Variants in CSMD1 observed in about 807,000 individuals in gnomAD.
The protein encoded by CSMD1 is CUB and sushi domain-containing protein 1.
CSMD1 carries 213 observed loss-of-function variants against 417.5 expected under a neutral mutation model. The ratio of observed to expected loss-of-function variants is 0.51; its 90% CI spans 0.46 to 0.57. The LOEUF is 0.57. Among genes scored for constraint, CSMD1 ranks in the 20% least tolerant of loss-of-function variants. CSMD1 has a pLI of 0.00. For missense variants in CSMD1, 6,923 were observed against 4,529.7 expected, an observed-to-expected ratio of 1.53 and a Z score of -15.17; for synonymous variants, 2,862 against 1,736.8, an observed-to-expected ratio of 1.65 and a Z score of -16.11.
intron 5 of CSMD1, among the ~76,000 whole-genome samples, chr8:3,923,551 A>G (rs1809430927): frequency 6.6e-6 from 1 of 152,176 alleles, no homozygotes; most frequent in Non-Finnish European, 1.5e-5. Context: ...AGAACAGGAT[A>G]CACTGTGAAA....
intron 37 of CSMD1, among the ~76,000 whole-genome samples, chr8:3,171,999 A>T (rs1287359401): frequency 6.6e-6 from 1 of 152,222 alleles, no homozygotes; most frequent in Non-Finnish European, 1.5e-5. Flanking sequence ...AAATGATATT[A>T]TATTTAATGA....
chr8:3,889,452 CATATATATATATATATATATATATATAT>C (rs1171842639), intron 5 of CSMD1, among the ~76,000 whole-genome samples: 1 of 45,376 alleles, frequency 2.2e-5, no homozygotes, highest in South Asian at 1.1e-3. Flanking sequence ...CTGATCTTTC[CATATATATATATATATATATATATATAT>C]ATATATATAT....
intron 3 of CSMD1, among the ~76,000 whole-genome samples, chr8:4,317,128 T>A (rs189048747): frequency 2.6e-5 from 4 of 152,332 alleles, no homozygotes; most frequent in African/African-American, 9.6e-5. Context: ...CACATCATCA[T>A]CATCTAAGGT....
At chr8:4,234,738 C>G (rs1485921934) in intron 3 of CSMD1, among the ~76,000 whole-genome samples, 3 of 152,250 alleles carry the variant, frequency 2.0e-5, no homozygotes, top group South Asian at 2.1e-4. Context: ...CCGCTGAAAA[C>G]TGGAGTCGTG....
intron 37 of CSMD1, among the ~76,000 whole-genome samples, chr8:3,167,242 A>G (rs1003735335): frequency 3.3e-5 from 5 of 149,310 alleles, no homozygotes; most frequent in African/African-American, 1.2e-4. Flanking sequence ...CCGAGATCGC[A>G]CACTGCACTC....
intron 3 of CSMD1, among the ~76,000 whole-genome samples, chr8:4,222,874 G>C (rs1801124116): frequency 1.3e-5 from 2 of 152,002 alleles, no homozygotes; most frequent in Non-Finnish European, 2.9e-5. Context: ...TTGATCACTA[G>C]ACATAACCAC....
intron 3 of CSMD1, among the ~76,000 whole-genome samples, chr8:4,139,517 G>A (rs1803648773): frequency 6.8e-6 from 1 of 147,176 alleles, no homozygotes; most frequent in Admixed American, 6.6e-5. Flanking sequence ...CAGTGTTGTG[G>A]ATCTCAGGGG....
At chr8:4,079,353 A>G (rs768090062) in intron 3 of CSMD1, among the ~76,000 whole-genome samples, 30 of 152,210 alleles carry the variant, frequency 2.0e-4, no homozygotes, top group Admixed American at 9.2e-4. Flanking sequence ...TATACTTTCC[A>G]TAATTTATGT....
intron 5 of CSMD1, among the ~76,000 whole-genome samples, chr8:3,956,372 A>C (rs183002849): frequency 6.0e-4 from 91 of 152,304 alleles, no homozygotes; most frequent in African/African-American, 2.1e-3. Context: ...AACAATTAGA[A>C]GTGAGAGAGC....
intron 5 of CSMD1, among the ~76,000 whole-genome samples, chr8:3,785,856 G>A (rs1335134060): frequency 6.6e-6 from 1 of 152,182 alleles, no homozygotes; most frequent in East Asian, 1.9e-4. Context: ...GGGAAGTAGA[G>A]CAATTAAAGA....
At chr8:4,861,342 T>C (rs1297498528) in intron 1 of CSMD1, among the ~76,000 whole-genome samples, 1 of 152,098 alleles carries the variant, frequency 6.6e-6, no homozygotes, top group East Asian at 1.9e-4. Context: ...AAGCTTGACA[T>C]TTCAGGCTTT....
chr8:3,814,940 A>G (rs1801291152), intron 5 of CSMD1, among the ~76,000 whole-genome samples: 1 of 152,212 alleles, frequency 6.6e-6, no homozygotes, highest in Non-Finnish European at 1.5e-5. Context: ...TTCTGAAGTC[A>G]GCCATCCCAA....
intron 5 of CSMD1, among the ~76,000 whole-genome samples, chr8:3,922,410 A>G (rs116588885): frequency 0.013 from 1,950 of 152,152 alleles, 37 homozygotes; most frequent in African/African-American, 0.045. Context: ...TACTACTGCC[A>G]TGTTATTAAA....
At chr8:4,251,705 G>C (rs1462500478) in intron 3 of CSMD1, among the ~76,000 whole-genome samples, 1 of 152,080 alleles carries the variant, frequency 6.6e-6, no homozygotes, top group Non-Finnish European at 1.5e-5. Flanking sequence ...ACAGTTAAAT[G>C]TATGTGTACC....
chr8:3,689,671 C>G (rs1800132339), intron 7 of CSMD1, among the ~76,000 whole-genome samples: 1 of 152,146 alleles, frequency 6.6e-6, no homozygotes, highest in African/African-American at 2.4e-5. Flanking sequence ...CACGAGTCAT[C>G]TCCTTTAATC....
At chr8:4,959,764 G>C (rs999597085) in intron 1 of CSMD1, among the ~76,000 whole-genome samples, 5 of 152,176 alleles carry the variant, frequency 3.3e-5, no homozygotes, top group Non-Finnish European at 7.3e-5. Flanking sequence ...TCCTGTACGT[G>C]ACCTTTGTTC....
Position 4,828,547 on chromosome 8 carries a change from T to A in CSMD1, c.85+165785A>T, listed in dbSNP as rs529783544. Reference sequence around the variant, plus strand: ...TTATTGCCTGAGCCATCCTGTGCCTTCCTGTGCTCTTTCACAAACTCCAGA... The same window carrying A: ...TTATTGCCTGAGCCATCCTGTGCCTACCTGTGCTCTTTCACAAACTCCAGA... On this transcript the variant is annotated intron_variant, in intron 1 of 69. Coordinates refer to ENST00000635120, the MANE Select transcript of CSMD1 (RefSeq NM_033225.6). Among the ~76,000 whole-genome samples the A allele has an allele frequency of 2.7e-4, 41 of 152,232 alleles. No homozygotes were observed. In the South Asian group the frequency reaches 7.9e-3, roughly 29 times the overall value.
At chr8:4,367,044 G>C (rs1340655234) in intron 3 of CSMD1, among the ~76,000 whole-genome samples, 7 of 152,080 alleles carry the variant, frequency 4.6e-5, no homozygotes, top group African/African-American at 1.7e-4. Context: ...AAGCTTCTTA[G>C]TTTAATAGGT....
Position 2,974,600 on chromosome 8 carries a change from A to T in CSMD1, c.8591T>A (p.Val2864Asp). The change falls in exon 56 of 70, where the codon GTC (valine) becomes GAC (aspartate). Residue 2864 changes from valine (V) to aspartate (D), a missense_variant. Coordinates refer to ENST00000635120, the MANE Select transcript of CSMD1 (RefSeq NM_033225.6). ...CLAISCGHPGVPANAVLTGEL... is the reference protein window; with the variant it reads ...CLAISCGHPGDPANAVLTGEL... ...TCCAGTGAGGACGGCGTTGGCAGGG[A>T]CCCCTGGGTGTCCACACGATATAGC... The T allele has an allele frequency of 1.2e-6, 2 of 1,609,172 alleles. No homozygotes were observed. The highest frequency in any genetic ancestry group is 1.7e-6 in the Non-Finnish European group (2 of 1,177,708).
Sources: allele counts gnomAD v4.1 joint callset (sites outside exome capture counted in the v4.1 genomes callset), GRCh38; gene constraint gnomAD v4.1.1; transcripts MANE v1.5; gene names NCBI Gene and HGNC (gene_info 2026-07-23, HGNC 2026-07-21).